FAF1: variants seen among roughly 807,000 people sequenced by gnomAD.
FAF1 encodes Fas associated factor 1.
In FAF1, 25 loss-of-function variants were observed where a neutral mutation model predicts 92.5. That is an observed-to-expected ratio of 0.27 (90% CI 0.20 to 0.38). The LOEUF (loss-of-function observed/expected upper bound fraction) is 0.38, where lower values mean the gene tolerates loss of function less well. FAF1 is among the 10% of genes least tolerant of loss of function. The pLI, the probability that FAF1 is intolerant of heterozygous loss-of-function variation, is 1.00. For synonymous variants in FAF1, 234 were observed against 273.2 expected, an observed-to-expected ratio of 0.86 and a Z score of 1.42; for missense variants, 636 against 793.3, an observed-to-expected ratio of 0.80 and a Z score of 2.38.
chr1:50,892,805 C>A (rs1644730283), intron 1 of FAF1, among the ~76,000 whole-genome samples: 2 of 152,066 alleles, frequency 1.3e-5, no homozygotes, highest in South Asian at 4.1e-4. Flanking sequence ...TCTTTAAGAC[C>A]AATAACTCTT....
chr1:50,794,142 C>A (rs1325063311), intron 3 of FAF1, among the ~76,000 whole-genome samples: 1 of 152,188 alleles, frequency 6.6e-6, no homozygotes, highest in Non-Finnish European at 1.5e-5. Context: ...CAGACACACA[C>A]CACAAAAATA....
intron 1 of FAF1, among the ~76,000 whole-genome samples, chr1:50,889,489 C>A (rs896129364): frequency 4.0e-5 from 6 of 151,076 alleles, no homozygotes; most frequent in Non-Finnish European, 5.9e-5. Context: ...CCTGCTTTCT[C>A]TTGTGGGCAT....
intron 7 of FAF1, among the ~76,000 whole-genome samples, chr1:50,671,795 T>A (rs2124341225): frequency 6.6e-6 from 1 of 151,462 alleles, no homozygotes; most frequent in African/African-American, 2.4e-5. Context: ...AGTGGTGCCA[T>A]GAACATATTA....
At chr1:50,524,262 T>G (rs1431301964) in intron 15 of FAF1, among the ~76,000 whole-genome samples, 2 of 152,178 alleles carry the variant, frequency 1.3e-5, no homozygotes, top group African/African-American at 4.8e-5. Flanking sequence ...TAAATTTAAG[T>G]TCCTTATAAA....
intron 1 of FAF1, among the ~76,000 whole-genome samples, chr1:50,862,430 G>A (rs1024620816): frequency 6.6e-6 from 1 of 151,856 alleles, no homozygotes; most frequent in Admixed American, 6.6e-5. Flanking sequence ...ACTGGCAAGG[G>A]CAGTGGGCAG....
chr1:50,587,458 T>G (rs1651289076), intron 9 of FAF1, among the ~76,000 whole-genome samples: 1 of 152,194 alleles, frequency 6.6e-6, no homozygotes, highest in Admixed American at 6.5e-5. Flanking sequence ...CTCTTCATAT[T>G]TTTTTATCAG....
chr1:50,666,721 A>G (rs1038819726), intron 7 of FAF1, among the ~76,000 whole-genome samples: 6 of 152,110 alleles, frequency 3.9e-5, no homozygotes, highest in Non-Finnish European at 8.8e-5. Context: ...CATCTCTACT[A>G]AAAATACAAA....
chr1:50,596,860 A>G (rs1452785626), intron 8 of FAF1, among the ~76,000 whole-genome samples: 1 of 152,246 alleles, frequency 6.6e-6, no homozygotes, highest in African/African-American at 2.4e-5. Context: ...ATGATAAGAC[A>G]TGATTATTCC....
At chr1:50,589,782 GTTTTC>G (rs1388072205) in intron 9 of FAF1, among the ~76,000 whole-genome samples, 7 of 152,030 alleles carry the variant, frequency 4.6e-5, no homozygotes, top group African/African-American at 7.2e-5. Context: ...TTTGCCCTAT[GTTTTC>G]TTTTAACAGT....
chr1:50,930,848 A>G (rs927860351), intron 1 of FAF1, among the ~76,000 whole-genome samples: 1 of 152,232 alleles, frequency 6.6e-6, no homozygotes, highest in African/African-American at 2.4e-5. Flanking sequence ...CAATTTTACA[A>G]TAAGAAAACT....
In FAF1 at chr1:50,819,765, GTA is replaced by G. The variant is rs1197224495; in HGVS notation, c.115-18090_115-18089del. On this transcript the variant is annotated intron_variant, in intron 2 of 18. Transcript: ENST00000396153. ...CATATATATATACATATATATATAC[GTA>G]TATATATATACATATATATACATAT... Among the ~76,000 whole-genome samples, 284 of 40,166 alleles carry G rather than the reference GTA, an allele frequency of 7.1e-3. 30 individuals carry two copies. Among genetic ancestry groups the G allele is most frequent in the African/African-American group, 0.036 (246 of 6,826 alleles). The allele number at this position is 40,166 out of a possible 152,430, so 26.4% of individuals were successfully genotyped here. A position where few individuals can be genotyped will look rare whatever the true frequency, so the allele number is the denominator to read the frequency against.
At chr1:50,478,598 T>C (rs1646665599) in intron 17 of FAF1, among the ~76,000 whole-genome samples, 1 of 152,254 alleles carries the variant, frequency 6.6e-6, no homozygotes, top group African/African-American at 2.4e-5. Context: ...ACCATCAAGA[T>C]AGCCATCACC....
At chr1:50,839,318 A>T (rs1644238002) in intron 2 of FAF1, among the ~76,000 whole-genome samples, 1 of 152,142 alleles carries the variant, frequency 6.6e-6, no homozygotes, top group Non-Finnish European at 1.5e-5. Flanking sequence ...AAATGGTCAC[A>T]CACTCCAAGT....
intron 7 of FAF1, among the ~76,000 whole-genome samples, chr1:50,679,829 G>C (rs539207890): frequency 6.6e-6 from 1 of 152,106 alleles, no homozygotes; most frequent in East Asian, 1.9e-4. Flanking sequence ...TTCTGTACAT[G>C]CATTTACTTT....
chr1:50,789,453 T>C (rs1178145948), intron 3 of FAF1, among the ~76,000 whole-genome samples: 4 of 152,150 alleles, frequency 2.6e-5, no homozygotes, highest in African/African-American at 9.7e-5. Flanking sequence ...ATCAACTCAA[T>C]CCAGAAACCT....
At chr1:50,544,205 A>G (rs1323807847) in intron 13 of FAF1, among the ~76,000 whole-genome samples, 1 of 152,192 alleles carries the variant, frequency 6.6e-6, no homozygotes, top group East Asian at 1.9e-4. Context: ...TGCTCAAACC[A>G]TAGCATAATC....
chr1:50,757,001 G>A (rs1300888606), intron 4 of FAF1, among the ~76,000 whole-genome samples: 2 of 152,084 alleles, frequency 1.3e-5, no homozygotes, highest in Non-Finnish European at 2.9e-5. Context: ...ACTTTCCCTT[G>A]TGATTTCTTC....
chr1:50,603,786 C>T (rs1421560030), intron 8 of FAF1, among the ~76,000 whole-genome samples: 4 of 152,124 alleles, frequency 2.6e-5, no homozygotes, highest in African/African-American at 9.7e-5. Flanking sequence ...CAGGGTTAAA[C>T]AGCAGTTTAG....
chr1:50,448,936 G>T (rs1646260504), intron 18 of FAF1, among the ~76,000 whole-genome samples: 1 of 122,910 alleles, frequency 8.1e-6, no homozygotes, highest in African/African-American at 3.3e-5. Flanking sequence ...GAGGGTCACA[G>T]CTTTTTTTTT....
Sources: allele counts gnomAD v4.1 joint callset (sites outside exome capture counted in the v4.1 genomes callset), GRCh38; gene constraint gnomAD v4.1.1; transcripts MANE v1.5; gene names NCBI Gene and HGNC (gene_info 2026-07-23, HGNC 2026-07-21).